CCDC7: variants seen among roughly 807,000 people sequenced by gnomAD.
CCDC7 encodes the protein coiled-coil domain containing 7, also known as coiled-coil domain-containing protein 7.
CCDC7 carries 183 observed loss-of-function variants against 196.9 expected under a neutral mutation model. That is an observed-to-expected ratio of 0.93 (90% CI 0.82 to 1.05). The LOEUF (loss-of-function observed/expected upper bound fraction) is 1.05. Ranked by LOEUF, CCDC7 falls within the 50% of genes least tolerant of loss-of-function variation. The pLI is 0.00. For missense variants in CCDC7, 1,540 were observed against 1,482.2 expected (o/e 1.04, Z -0.64); for synonymous variants, 525 against 484.6 (o/e 1.08, Z -1.10).
At chr10:32,471,755 A>C (rs1406362744) in intron 6 of CCDC7, among the ~76,000 whole-genome samples, 1 of 152,160 alleles carries the variant, frequency 6.6e-6, no homozygotes, top group Non-Finnish European at 1.5e-5. Context: ...TAGAATATAC[A>C]TACCCATAGT....
rs2087393986 is a variant in CCDC7 at position 32,812,546 on chromosome 10, T to C, written c.3098-1824T>C. On this transcript the variant is annotated intron_variant, in intron 30 of 41. Coordinates refer to ENST00000639629, the Ensembl canonical transcript of CCDC7. ...ATTTAAAGTACTTTTTAAACTTGAC[T>C]GTGATGATGGTGACAGACATTACTG... 2.6e-5 allele frequency among the ~76,000 whole-genome samples: 4 copies of C among 152,100 alleles called. No homozygotes were observed. In the South Asian group the frequency reaches 8.3e-4, roughly 31 times the overall value.
At chr10:32,769,237 G>A (rs1025926874) in intron 28 of CCDC7, among the ~76,000 whole-genome samples, 2 of 152,064 alleles carry the variant, frequency 1.3e-5, no homozygotes, top group African/African-American at 4.8e-5. Context: ...GTCGTGGAAG[G>A]TTGTATGTTT....
chr10:32,722,788 C>T (rs1051843678), intron 25 of CCDC7, among the ~76,000 whole-genome samples: 9 of 152,038 alleles, frequency 5.9e-5, no homozygotes, highest in Admixed American at 3.9e-4. Flanking sequence ...CAATTCAACC[C>T]GTAACCCTCC....
chr10:32,496,401 C>G lies in CCDC7; in HGVS notation c.872+4404C>G, dbSNP rs190482360. Among the ~76,000 whole-genome samples the G allele has an allele frequency of 7.9e-3, 1,207 of 152,224 alleles. 7 individuals are homozygous for G. Among genetic ancestry groups the G allele is most frequent in the Middle Eastern group, 0.02 (6 of 294 alleles). Reference sequence around the variant, plus strand: ...TCTTTCTCTTGCCTGATTGCCCTGGCCAGAACTTCCAATACTATGTTGAAT... The same window carrying G: ...TCTTTCTCTTGCCTGATTGCCCTGGGCAGAACTTCCAATACTATGTTGAAT... On this transcript the variant is annotated intron_variant, in intron 9 of 41. Transcript: ENST00000639629.
chr10:32,666,579 A>C (rs1260057464), intron 21 of CCDC7, among the ~76,000 whole-genome samples: 2 of 137,114 alleles, frequency 1.5e-5, no homozygotes, highest in Non-Finnish European at 3.0e-5. Context: ...TCCTGTGTCC[A>C]AGTGTTCTCA....
At chr10:32,780,226 A>G (rs2080828217) in intron 29 of CCDC7, among the ~76,000 whole-genome samples, 2 of 152,188 alleles carry the variant, frequency 1.3e-5, no homozygotes, top group African/African-American at 4.8e-5. Context: ...ACAGAGCAAG[A>G]CACCGTCAAA....
intron 30 of CCDC7, 72 bp from the exon 32 acceptor site, chr10:32,814,298 A>G (rs943240710): frequency 4.9e-6 from 5 of 1,025,182 alleles, no homozygotes; most frequent in African/African-American, 3.2e-5. Flanking sequence ...ATATATGTAC[A>G]TGCACTCACA....
chr10:32,549,548 T>G (rs2053117064), intron 13 of CCDC7, among the ~76,000 whole-genome samples: 1 of 152,214 alleles, frequency 6.6e-6, no homozygotes, highest in African/African-American at 2.4e-5. Context: ...TAGTTTTATG[T>G]CTTAGGTTTA....
chr10:32,865,963 C>T (rs112675445), intron 41 of CCDC7, among the ~76,000 whole-genome samples: 24 of 151,724 alleles, frequency 1.6e-4, no homozygotes, highest in African/African-American at 5.8e-4. Flanking sequence ...TCTGCATGAA[C>T]CCACAGGTTT....
chr10:32,654,744 C>T (rs1439134556), intron 20 of CCDC7, among the ~76,000 whole-genome samples: 1 of 152,132 alleles, frequency 6.6e-6, no homozygotes, highest in East Asian at 1.9e-4. Flanking sequence ...TTGCTCAGAA[C>T]CTCAAGGTCA....
rs147486040 is a variant in CCDC7 at position 32,581,091 on chromosome 10, A to G, written c.1455-1943A>G. 7.0e-3 allele frequency among the ~76,000 whole-genome samples: 1,068 copies of G among 152,238 alleles called. 14 individuals carry two copies. The highest frequency in any genetic ancestry group is 0.025 in the African/African-American group (1,019 of 41,528). ...GTTAACAAATGCTTTTGCAAGCAGGAAGAGATACACTCTTTATACCACTTC... is the reference window on the plus strand; with the variant it reads ...GTTAACAAATGCTTTTGCAAGCAGGGAGAGATACACTCTTTATACCACTTC... On this transcript the variant is annotated intron_variant, in intron 16 of 41. Coordinates refer to ENST00000639629, the Ensembl canonical transcript of CCDC7.
At chr10:32,816,393 A>G (rs1276060228) in intron 31 of CCDC7, among the ~76,000 whole-genome samples, 2 of 152,244 alleles carry the variant, frequency 1.3e-5, no homozygotes, top group African/African-American at 4.8e-5. Context: ...CTGCCTCTGT[A>G]GACTCCACCT....
intron 8 of CCDC7, among the ~76,000 whole-genome samples, chr10:32,485,959 A>G (rs2134278253): frequency 1.3e-5 from 2 of 152,332 alleles, no homozygotes; most frequent in South Asian, 4.1e-4. Context: ...GGTGCTGAGA[A>G]GATTGTATAT....
At chr10:32,621,306 ACTT>A (rs2063383248) in intron 18 of CCDC7, among the ~76,000 whole-genome samples, 1 of 152,234 alleles carries the variant, frequency 6.6e-6, no homozygotes, top group Non-Finnish European at 1.5e-5. Context: ...CACAAAGAAA[ACTT>A]CTGTTTTCAA....
At chr10:32,516,535 GCCTCGGTCTCCCAA>G (rs2047063318) in intron 9 of CCDC7, among the ~76,000 whole-genome samples, 1 of 152,072 alleles carries the variant, frequency 6.6e-6, no homozygotes, top group South Asian at 2.1e-4. Flanking sequence ...TGATCTTCCT[GCCTCGGTCTCCCAA>G]AGTGCTGGGA....
Position 32,676,243 on chromosome 10 carries a change from G to A in CCDC7, c.2123-9727G>A, listed in dbSNP as rs551557383. On this transcript the variant is annotated intron_variant, in intron 21 of 41. Coordinates refer to ENST00000639629, the Ensembl canonical transcript of CCDC7. ...ATTCACGTGGATTAAAGACTTAAAT[G>A]TTAGACCTAAAACCATAAAAACCCT... Among the ~76,000 whole-genome samples the A allele has an allele frequency of 5.0e-3, 704 of 140,862 alleles. 7 individuals are homozygous for A. The highest frequency in any genetic ancestry group is 0.018 in the African/African-American group (671 of 37,940). The allele number at this position is 140,862 out of a possible 152,430, so 92.4% of individuals were successfully genotyped here.
rs150787344 is a variant in CCDC7 at position 32,733,166 on chromosome 10, A to G, written c.2905+3709A>G. Among the ~76,000 whole-genome samples the G allele has an allele frequency of 8.3e-4, 126 of 152,222 alleles. No individual in the cohort carries two copies. The Middle Eastern group carries it at 0.01, about 12-fold the overall frequency. ...TATAAAAATTTAACTTGATTATAAAATATGAATACCTTATGAAACCATTTT... is the reference window on the plus strand; with the variant it reads ...TATAAAAATTTAACTTGATTATAAAGTATGAATACCTTATGAAACCATTTT... On this transcript the variant is annotated intron_variant, in intron 28 of 41. Coordinates refer to ENST00000639629, the Ensembl canonical transcript of CCDC7.
chr10:32,525,270 C>A (rs938652084), intron 11 of CCDC7, among the ~76,000 whole-genome samples: 3 of 151,578 alleles, frequency 2.0e-5, no homozygotes, highest in African/African-American at 2.4e-5. Context: ...GAAAAAAAAA[C>A]CCAAATAGCC....
Position 32,775,049 on chromosome 10 carries a change from A to G in CCDC7, c.2906-3928A>G, listed in dbSNP as rs373609894. Among the ~76,000 whole-genome samples the G allele has an allele frequency of 7.9e-5, 12 of 152,292 alleles. No individual in the cohort carries two copies. The South Asian group carries it at 2.5e-3, about 32-fold the overall frequency. ...ACTGTCAGCATTCCTAACTTCTATTAGGAATCTCTGTCTCAAGCAATAGAA... is the reference window on the plus strand; with the variant it reads ...ACTGTCAGCATTCCTAACTTCTATTGGGAATCTCTGTCTCAAGCAATAGAA... On this transcript the variant is annotated intron_variant, in intron 28 of 41. Coordinates refer to ENST00000639629, the Ensembl canonical transcript of CCDC7.
Sources: gnomAD v4.1 joint callset for allele counts (sites outside exome capture counted in the v4.1 genomes callset) on GRCh38, gnomAD v4.1.1 for gene constraint, MANE v1.5 for transcripts, NCBI Gene and HGNC (gene_info 2026-07-23, HGNC 2026-07-21) for gene names.